PCDH15: variants seen among roughly 807,000 people sequenced by gnomAD.
PCDH15 encodes protocadherin related 15, also known as protocadherin-15.
A neutral mutation model predicts 178.5 loss-of-function variants in PCDH15; 129 were observed. The ratio of observed to expected loss-of-function variants is 0.72; its 90% CI spans 0.63 to 0.84. The LOEUF is 0.84. Among genes scored for constraint, PCDH15 ranks in the 40% least tolerant of loss-of-function variants. PCDH15 has a pLI of 0.00. For synonymous variants in PCDH15, 800 were observed against 732.0 expected (o/e 1.09, Z -1.50); for missense variants, 2,230 against 2,099.9 (o/e 1.06, Z -1.21).
In PCDH15 at chr10:55,257,213, AAC is replaced by A. The variant is rs771949138; in HGVS notation, c.-156+62384_-156+62385del. On this transcript the variant is annotated intron_variant, in intron 1 of 5. Coordinates refer to the PCDH15 transcript ENST00000458638. ...CAAACAGAAAGGACATCCACACCAA[AAC>A]ACCATCTGTATGCCACCATCATCAA... Among the ~76,000 whole-genome samples, 3 of 152,162 alleles carry A rather than the reference AAC, an allele frequency of 2.0e-5. No homozygotes were observed. In the East Asian group the frequency reaches 5.8e-4, roughly 29 times the overall value.
intron 1 of PCDH15, among the ~76,000 whole-genome samples, chr10:55,245,588 T>A (rs1028516411): frequency 2.0e-5 from 3 of 152,160 alleles, no homozygotes; most frequent in Non-Finnish European, 4.4e-5. Flanking sequence ...AAAAATGGAT[T>A]ATGTTCTTAA....
At chr10:55,544,068 C>T (rs1451804435) in intron 2 of PCDH15, among the ~76,000 whole-genome samples, 3 of 146,932 alleles carry the variant, frequency 2.0e-5, no homozygotes, top group East Asian at 2.0e-4. Context: ...CATTTATTCA[C>T]GGAACCAGGT....
intron 6 of PCDH15, among the ~76,000 whole-genome samples, chr10:54,336,927 G>A (rs893226595): frequency 6.6e-6 from 1 of 152,172 alleles, no homozygotes. Flanking sequence ...ACCCTGCAAA[G>A]CAACAGGGGT....
At chr10:54,114,344 T>G (rs889155012) in intron 15 of PCDH15, among the ~76,000 whole-genome samples, 1 of 152,220 alleles carries the variant, frequency 6.6e-6, no homozygotes, top group East Asian at 1.9e-4. Context: ...AGAGGCTGCT[T>G]GAAAATGAAG....
At chr10:54,657,726 C>G (rs1447176298) in intron 2 of PCDH15, among the ~76,000 whole-genome samples, 1 of 151,962 alleles carries the variant, frequency 6.6e-6, no homozygotes, top group Admixed American at 6.6e-5. Context: ...ATAGAAAATT[C>G]AAAAATAAGA....
At chr10:55,383,389 G>A (rs1448395566) in intron 2 of PCDH15, among the ~76,000 whole-genome samples, 4 of 152,036 alleles carry the variant, frequency 2.6e-5, no homozygotes, top group South Asian at 2.1e-4. Context: ...GGGGCATGGC[G>A]GGCTGGGGTG....
At chr10:55,193,004 T>A (rs1321496436) in intron 1 of PCDH15, among the ~76,000 whole-genome samples, 1 of 146,708 alleles carries the variant, frequency 6.8e-6, no homozygotes, top group Non-Finnish European at 1.5e-5. Context: ...TTTTTTTTGA[T>A]AATTGCAAGA....
At chr10:54,156,330 A>G (rs2045142847) in intron 13 of PCDH15, among the ~76,000 whole-genome samples, 1 of 152,102 alleles carries the variant, frequency 6.6e-6, no homozygotes, top group African/African-American at 2.4e-5. Context: ...GAGACTGGGT[A>G]ATTTACAAAG....
intron 37 of PCDH15, chr10:53,808,879 T>C (rs1243391383): frequency 6.2e-7 from 1 of 1,601,722 alleles, no homozygotes; most frequent in Non-Finnish European, 8.5e-7. Flanking sequence ...CGAAGCTGAT[T>C]CTGCACTGCC....
At position 53,890,319 on chromosome 10, in the gene PCDH15, C is replaced by G. The variant is rs111474092; in HGVS notation, c.3501+12924G>C. The stretch of plus-strand genomic sequence containing the variant: ...GCACATGCCTGTAGTCCCAGCTACT[C>G]GGGAGGCTGAGGCAGGAGAATCGCT... On this transcript the variant is annotated intron_variant, in intron 26 of 37. Coordinates refer to ENST00000644397, the MANE Select transcript of PCDH15 (RefSeq NM_001384140.1). 5.0e-3 allele frequency among the ~76,000 whole-genome samples: 757 copies of G among 152,166 alleles called. 3 individuals carry two copies. Among genetic ancestry groups the G allele is most frequent in the Non-Finnish European group, 9.1e-3 (620 of 68,004 alleles).
At chr10:54,653,903 G>A (rs1040920347) in intron 2 of PCDH15, among the ~76,000 whole-genome samples, 1 of 152,200 alleles carries the variant, frequency 6.6e-6, no homozygotes, top group Non-Finnish European at 1.5e-5. Flanking sequence ...GGGGTACAAT[G>A]TGATGTTCTG....
At chr10:55,563,324 G>A (rs979415742) in intron 2 of PCDH15, among the ~76,000 whole-genome samples, 1 of 151,770 alleles carries the variant, frequency 6.6e-6, no homozygotes, top group Non-Finnish European at 1.5e-5. Flanking sequence ...TTAAAGAATA[G>A]TATATTTCCA....
intron 2 of PCDH15, among the ~76,000 whole-genome samples, chr10:54,912,299 ATCTCATGTTAAATTGTAATT>A (rs1439901999): frequency 1.3e-5 from 2 of 151,960 alleles, no homozygotes; most frequent in East Asian, 3.9e-4. Context: ...TCCTACCCAA[ATCTCATGTTAAATTGTAATT>A]TCCAGTGTTG....
chr10:54,972,086 C>T (rs1419959166), intron 2 of PCDH15, among the ~76,000 whole-genome samples: 1 of 152,180 alleles, frequency 6.6e-6, no homozygotes, highest in Non-Finnish European at 1.5e-5. Context: ...CTCCCATCTA[C>T]TTCCCACGGG....
intron 1 of PCDH15, among the ~76,000 whole-genome samples, chr10:54,773,174 T>A (rs1173360782): frequency 6.6e-6 from 1 of 152,044 alleles, no homozygotes; most frequent in Non-Finnish European, 1.5e-5. Context: ...ATGGTATGCA[T>A]CTCTGCAGCA....
At chr10:55,061,524 G>A (rs1229326979) in intron 2 of PCDH15, among the ~76,000 whole-genome samples, 3 of 152,116 alleles carry the variant, frequency 2.0e-5, no homozygotes, top group South Asian at 2.1e-4. Flanking sequence ...AGCCTTCACC[G>A]TATGATCTAG....
chr10:54,450,130 A>AATATAAATATAT (rs1376879561), intron 3 of PCDH15, among the ~76,000 whole-genome samples: 4 of 137,238 alleles, frequency 2.9e-5, no homozygotes, highest in African/African-American at 1.1e-4. Context: ...CTTTTTTATA[A>AATATAAATATAT]ATATATATAT....
At chr10:55,200,200 T>C (rs772307755) in intron 1 of PCDH15, among the ~76,000 whole-genome samples, 1 of 152,146 alleles carries the variant, frequency 6.6e-6, no homozygotes, top group Non-Finnish European at 1.5e-5. Flanking sequence ...GAATGTACCC[T>C]GCAAAGCAAC....
At chr10:55,191,980 C>A (rs981171044) in intron 1 of PCDH15, among the ~76,000 whole-genome samples, 20 of 151,916 alleles carry the variant, frequency 1.3e-4, no homozygotes, top group African/African-American at 4.8e-4. Flanking sequence ...GACGTTGTCA[C>A]ACTTTTCAGA....
Sources: allele counts gnomAD v4.1 joint callset (sites outside exome capture counted in the v4.1 genomes callset), GRCh38; gene constraint gnomAD v4.1.1; transcripts MANE v1.5; gene names NCBI Gene and HGNC (gene_info 2026-07-23, HGNC 2026-07-21).